Variants in PCDH15 observed in about 807,000 individuals in gnomAD.
The protein encoded by PCDH15 is protocadherin related 15, also known as protocadherin-15.
In PCDH15, 129 loss-of-function variants were observed where a neutral mutation model predicts 178.5. The ratio of observed to expected loss-of-function variants is 0.72; its 90% confidence interval spans 0.63 to 0.84. PCDH15 has a LOEUF of 0.84. Among genes scored for constraint, PCDH15 ranks in the 40% least tolerant of loss-of-function variants. PCDH15 has a pLI of 0.00. For missense variants in PCDH15, 2,230 were observed against 2,099.9 expected, an observed-to-expected ratio of 1.06 and a Z score of -1.21; for synonymous variants, 800 against 732.0, an observed-to-expected ratio of 1.09 and a Z score of -1.50.
At chr10:53,941,412 G>A (rs1332825438) in intron 23 of PCDH15, among the ~76,000 whole-genome samples, 1 of 152,020 alleles carries the variant, frequency 6.6e-6, no homozygotes, top group Admixed American at 6.6e-5. Context: ...TGTATAGCTG[G>A]AATCACACAG....
At chr10:55,349,451 G>A (rs1844852775) in intron 2 of PCDH15, among the ~76,000 whole-genome samples, 1 of 152,054 alleles carries the variant, frequency 6.6e-6, no homozygotes, top group African/African-American at 2.4e-5. Flanking sequence ...TCTCTTGCCA[G>A]TTACAAAATG....
At chr10:54,982,200 A>C (rs1839251803) in intron 2 of PCDH15, among the ~76,000 whole-genome samples, 1 of 152,186 alleles carries the variant, frequency 6.6e-6, no homozygotes, top group Non-Finnish European at 1.5e-5. Flanking sequence ...TGATGATAAT[A>C]ATCTTGAACA....
chr10:55,500,072 T>C (rs1265493907), intron 2 of PCDH15, among the ~76,000 whole-genome samples: 2 of 151,750 alleles, frequency 1.3e-5, no homozygotes, highest in East Asian at 1.9e-4. Context: ...ATGAATTTTA[T>C]AATAGTCAGA....
At chr10:53,819,406 C>T (rs1189227863) in intron 33 of PCDH15, among the ~76,000 whole-genome samples, 4 of 151,896 alleles carry the variant, frequency 2.6e-5, no homozygotes, top group Non-Finnish European at 4.4e-5. Context: ...TGTCTTGGCT[C>T]AAAGGCAGAA....
intron 2 of PCDH15, among the ~76,000 whole-genome samples, chr10:55,364,093 G>GTT (rs1845295181): frequency 1.3e-5 from 2 of 152,006 alleles, no homozygotes; most frequent in South Asian, 4.1e-4. Flanking sequence ...AAATCTATTG[G>GTT]TTTTATAAGG....
At chr10:55,067,453 A>G (rs907348978) in intron 2 of PCDH15, among the ~76,000 whole-genome samples, 4 of 152,160 alleles carry the variant, frequency 2.6e-5, no homozygotes, top group African/African-American at 9.6e-5. Flanking sequence ...ATGTATATAT[A>G]CCACATTTTC....
intron 8 of PCDH15, among the ~76,000 whole-genome samples, chr10:54,266,671 A>G (rs921512582): frequency 2.0e-5 from 3 of 151,944 alleles, no homozygotes; most frequent in African/African-American, 4.8e-5. Flanking sequence ...TACTATGAAC[A>G]TTTCTATGTG....
At chr10:53,900,279 T>C (rs2082254910) in intron 26 of PCDH15, among the ~76,000 whole-genome samples, 1 of 151,078 alleles carries the variant, frequency 6.6e-6, no homozygotes, top group African/African-American at 2.4e-5. Flanking sequence ...TCTCTCACTA[T>C]TGTATAAAGT....
intron 1 of PCDH15, among the ~76,000 whole-genome samples, chr10:54,697,534 T>TAC (rs1555156263): frequency 6.6e-6 from 1 of 150,624 alleles, no homozygotes; most frequent in Admixed American, 6.6e-5. Flanking sequence ...TATATATATA[T>TAC]ACCTCTTTAC....
chr10:54,362,573 C>T (rs1185659025), intron 5 of PCDH15, among the ~76,000 whole-genome samples: 1 of 151,952 alleles, frequency 6.6e-6, no homozygotes, highest in Non-Finnish European at 1.5e-5. Flanking sequence ...CTGAAAGAAA[C>T]AGAACTTGAT....
chr10:54,343,557 T>C (rs868294425), intron 6 of PCDH15, among the ~76,000 whole-genome samples: 1 of 152,090 alleles, frequency 6.6e-6, no homozygotes, highest in Non-Finnish European at 1.5e-5. Context: ...GTTCAGCAAC[T>C]ATTTATTCCC....
chr10:54,758,352 C>G (rs930187718), intron 1 of PCDH15, among the ~76,000 whole-genome samples: 4 of 152,096 alleles, frequency 2.6e-5, no homozygotes, highest in African/African-American at 9.7e-5. Flanking sequence ...GCTGCAGACC[C>G]CAGCCAGCCA....
At chr10:54,746,733 A>G (rs1391610720) in intron 1 of PCDH15, among the ~76,000 whole-genome samples, 2 of 152,190 alleles carry the variant, frequency 1.3e-5, no homozygotes, top group African/African-American at 4.8e-5. Flanking sequence ...GGACCACTCT[A>G]AAGTTTGATG....
At chr10:55,552,088 A>G (rs921328251) in intron 2 of PCDH15, among the ~76,000 whole-genome samples, 1 of 151,800 alleles carries the variant, frequency 6.6e-6, no homozygotes, top group African/African-American at 2.4e-5. Context: ...GCTTTCTTAC[A>G]TCTCTATTAT....
At chr10:54,222,263 C>A (rs1050898706) in intron 9 of PCDH15, among the ~76,000 whole-genome samples, 11 of 152,092 alleles carry the variant, frequency 7.2e-5, no homozygotes, top group African/African-American at 2.4e-4. Context: ...TTTTCAGTTA[C>A]GTATAGGTTT....
At chr10:53,978,268 C>A (rs2090351373) in intron 21 of PCDH15, among the ~76,000 whole-genome samples, 1 of 152,162 alleles carries the variant, frequency 6.6e-6, no homozygotes, top group African/African-American at 2.4e-5. Context: ...TTCCATACAT[C>A]CTCTGAAATC....
rs552303658 is a variant in PCDH15, at chr10:55,226,819, G to A, written c.-155-60168C>T. The stretch of plus-strand genomic sequence containing the variant: ...ATTGAAATTCAGACAATTCAGTTGG[G>A]GAAATTTCCCCAAAAGGAGAACAAA... On this transcript the variant is annotated intron_variant, in intron 1 of 5. Coordinates refer to the PCDH15 transcript ENST00000458638. Among the ~76,000 whole-genome samples the A allele has an allele frequency of 2.4e-3, 362 of 151,702 alleles. 6 individuals carry two copies. The highest frequency in any genetic ancestry group is 8.3e-3 in the African/African-American group (342 of 41,284).
intron 2 of PCDH15, among the ~76,000 whole-genome samples, chr10:55,373,515 T>C (rs1845553896): frequency 6.6e-6 from 1 of 152,024 alleles, no homozygotes; most frequent in South Asian, 2.1e-4. Context: ...CTAGACCTCA[T>C]TAAAATACAG....
At chr10:54,723,341 C>T (rs1207791868) in intron 1 of PCDH15, among the ~76,000 whole-genome samples, 1 of 151,560 alleles carries the variant, frequency 6.6e-6, no homozygotes, top group African/African-American at 2.4e-5. Flanking sequence ...AATTGGCTAG[C>T]CACGTGCAGA....
Sources: allele counts gnomAD v4.1 joint callset (sites outside exome capture counted in the v4.1 genomes callset), GRCh38; gene constraint gnomAD v4.1.1; transcripts MANE v1.5; gene names NCBI Gene and HGNC (gene_info 2026-07-23, HGNC 2026-07-21).